The following NCAM2 variants were observed in gnomAD, a reference collection of about 807,000 sequenced individuals.
NCAM2 encodes the protein neural cell adhesion molecule 2, also known as N-CAM-2.
In NCAM2, 30 loss-of-function variants were observed where a neutral mutation model predicts 98.1. The observed-to-expected ratio is 0.31, with a 90% CI of 0.23 to 0.41. The LOEUF (loss-of-function observed/expected upper bound fraction) is 0.41, where lower values mean the gene tolerates loss of function less well. Among genes scored for constraint, NCAM2 ranks in the 10% least tolerant of loss-of-function variants. The pLI, the probability that NCAM2 is intolerant of heterozygous loss-of-function variation, is 1.00. For missense variants in NCAM2, 867 were observed against 1,005.8 expected (o/e 0.86, Z 1.87); for synonymous variants, 368 against 342.4 (o/e 1.07, Z -0.83).
chr21:21,506,128 A>G lies in NCAM2; in HGVS notation c.2078-2723A>G, dbSNP rs576114705. Among the ~76,000 whole-genome samples the G allele has an allele frequency of 1.8e-3, 272 of 152,280 alleles. 1 individual carries two copies. The highest frequency in any genetic ancestry group is 6.4e-3 in the African/African-American group (265 of 41,564). On this transcript the variant is annotated intron_variant, in intron 15 of 17. Transcript: ENST00000400546. ...TCTATAGGATTTATTGCCTAGAACT[A>G]TCTGCATGTGAGAAGACCCTAAACG...
At chr21:21,104,789 A>G (rs2066312305) in intron 1 of NCAM2, among the ~76,000 whole-genome samples, 1 of 152,132 alleles carries the variant, frequency 6.6e-6, no homozygotes, top group Admixed American at 6.6e-5. Context: ...CGTGATCAAT[A>G]CAATATGGCA....
intron 1 of NCAM2, among the ~76,000 whole-genome samples, chr21:21,270,827 G>A (rs898658823): frequency 9.9e-5 from 15 of 151,744 alleles, no homozygotes; most frequent in African/African-American, 3.6e-4. Context: ...TCAGTTCTGT[G>A]GCTTGATGTC....
chr21:21,125,695 T>C (rs2066803980), intron 1 of NCAM2, among the ~76,000 whole-genome samples: 1 of 82,914 alleles, frequency 1.2e-5, no homozygotes, highest in South Asian at 5.1e-4. Context: ...TATGTAATAA[T>C]ATTTTACATA....
chr21:21,304,257 T>G (rs1328996575), intron 5 of NCAM2, among the ~76,000 whole-genome samples: 1 of 152,062 alleles, frequency 6.6e-6, no homozygotes, highest in Admixed American at 6.6e-5. Context: ...AAGTTTAGAT[T>G]TATGATAATT....
chr21:21,142,460 G>A (rs547091190), intron 1 of NCAM2, among the ~76,000 whole-genome samples: 35 of 133,992 alleles, frequency 2.6e-4, no homozygotes, highest in Non-Finnish European at 4.8e-4. Flanking sequence ...CTCACTGCAA[G>A]CTCCGCCTTC....
At chr21:21,471,404 A>G (rs568320584) in intron 14 of NCAM2, among the ~76,000 whole-genome samples, 16 of 152,192 alleles carry the variant, frequency 1.1e-4, no homozygotes, top group East Asian at 1.9e-4. Context: ...TCTTTATATG[A>G]TTCCAAACTA....
At chr21:21,517,907 A>G (rs1490719633) in intron 16 of NCAM2, among the ~76,000 whole-genome samples, 2 of 152,140 alleles carry the variant, frequency 1.3e-5, no homozygotes, top group East Asian at 1.9e-4. Context: ...TTTTCAGCCT[A>G]TTTTTAAGTA....
At chr21:21,480,454 A>G (rs1169595277) in intron 15 of NCAM2, among the ~76,000 whole-genome samples, 1 of 151,978 alleles carries the variant, frequency 6.6e-6, no homozygotes, top group Non-Finnish European at 1.5e-5. Context: ...GCAGGAATGA[A>G]CTTTCCAGGG....
intron 8 of NCAM2, among the ~76,000 whole-genome samples, chr21:21,370,517 A>G (rs1257499617): frequency 6.6e-6 from 1 of 151,874 alleles, no homozygotes; most frequent in East Asian, 1.9e-4. Context: ...AAATAAACAC[A>G]TTTAGTAGGT....
At chr21:21,261,554 C>A (rs553164998) in intron 1 of NCAM2, among the ~76,000 whole-genome samples, 1 of 152,184 alleles carries the variant, frequency 6.6e-6, no homozygotes, top group South Asian at 2.1e-4. Flanking sequence ...ACTCTCAAAA[C>A]CACACAATTA....
At chr21:21,363,662 A>C (rs2075708682) in intron 8 of NCAM2, among the ~76,000 whole-genome samples, 2 of 151,962 alleles carry the variant, frequency 1.3e-5, no homozygotes, top group Admixed American at 6.6e-5. Context: ...CTGACACATG[A>C]TTTTCTTTGA....
At chr21:21,176,040 G>A (rs2068277422) in intron 1 of NCAM2, among the ~76,000 whole-genome samples, 1 of 152,108 alleles carries the variant, frequency 6.6e-6, no homozygotes, top group South Asian at 2.1e-4. Flanking sequence ...TGCATTAGAT[G>A]TTCTGTGAGT....
At chr21:21,027,890 C>T (rs1474281844) in intron 1 of NCAM2, among the ~76,000 whole-genome samples, 1 of 146,526 alleles carries the variant, frequency 6.8e-6, no homozygotes, top group Non-Finnish European at 1.5e-5. Flanking sequence ...TCGTTTCTCT[C>T]TTGTTGCCCA....
intron 5 of NCAM2, among the ~76,000 whole-genome samples, chr21:21,317,403 G>A (rs536858712): frequency 1.3e-5 from 2 of 152,142 alleles, no homozygotes; most frequent in Admixed American, 1.3e-4. Context: ...ATTATTTTCT[G>A]CAGAATTTTG....
intron 12 of NCAM2, among the ~76,000 whole-genome samples, chr21:21,464,025 C>T (rs1350815812): frequency 6.6e-6 from 1 of 152,090 alleles, no homozygotes; most frequent in Non-Finnish European, 1.5e-5. Context: ...GATCTCTACA[C>T]TTCTGATTTA....
At chr21:21,446,561 C>T (rs540268013) in intron 12 of NCAM2, among the ~76,000 whole-genome samples, 1 of 152,076 alleles carries the variant, frequency 6.6e-6, no homozygotes, top group African/African-American at 2.4e-5. Flanking sequence ...TGCAATCAGG[C>T]AAGAGAAAGA....
At chr21:21,423,951 G>A (rs1017359854) in intron 11 of NCAM2, among the ~76,000 whole-genome samples, 4 of 152,054 alleles carry the variant, frequency 2.6e-5, no homozygotes, top group Admixed American at 1.3e-4. Flanking sequence ...AATTATGGCC[G>A]ATCTACTGGT....
intron 15 of NCAM2, among the ~76,000 whole-genome samples, chr21:21,479,730 C>A (rs138227112): frequency 0.018 from 2,669 of 150,450 alleles, 49 homozygotes; most frequent in East Asian, 0.026. Flanking sequence ...TCCTCTCTCT[C>A]TATATATATA....
rs147640233 is a variant in NCAM2, at chr21:21,526,385, C to T, written c.2283-8152C>T. 8.9e-4 allele frequency among the ~76,000 whole-genome samples: 135 copies of T among 152,048 alleles called. No individual in the cohort carries two copies. The South Asian group carries it at 0.012, about 13-fold the overall frequency. ...AACAAAATTATTATTTTAATTAGCA[C>T]CCCGCAAAATTAAATACTCAGCCGT... On this transcript the variant is annotated intron_variant, in intron 16 of 17. Coordinates refer to ENST00000400546, the MANE Select transcript of NCAM2 (RefSeq NM_004540.5).
Sources: allele counts gnomAD v4.1 joint callset (sites outside exome capture counted in the v4.1 genomes callset), GRCh38; gene constraint gnomAD v4.1.1; transcripts MANE v1.5; gene names NCBI Gene and HGNC (gene_info 2026-07-23, HGNC 2026-07-21).